POGZ: variants seen among roughly 807,000 people sequenced by gnomAD.
The protein encoded by POGZ is pogo transposable element derived with ZNF domain, also known as pogo transposable element with ZNF domain.
POGZ carries 17 observed loss-of-function variants against 134.6 expected under a neutral mutation model. That is an observed-to-expected ratio of 0.13 (90% CI 0.09 to 0.19). The LOEUF is 0.19. Among genes scored for constraint, POGZ ranks in the 10% least tolerant of loss-of-function variants. POGZ has a pLI of 1.00. For synonymous variants in POGZ, 693 were observed against 657.1 expected (o/e 1.05, Z -0.84); for missense variants, 1,306 against 1,769.7 (o/e 0.74, Z 4.70).
chr1:151,423,502 C>T lies in POGZ; in HGVS notation c.1573G>A (p.Glu525Lys). 6.2e-7 allele frequency: 1 copy of T among 1,613,702 alleles called. No individual in the cohort carries two copies. The highest frequency in any genetic ancestry group is 8.5e-7 in the Non-Finnish European group (1 of 1,179,562). ...TGGCAGATAGTGTGACCATCTACCT[C>T]ACCGTTCTGCTGATCGAGTTCTACG... ...HHVELDQQNG[E>K]VDGHTICQHC... The change falls in exon 10 of 19, where the codon GAG (glutamate) becomes AAG (lysine). Residue 525 changes from glutamate (E) to lysine (K), a missense_variant. Transcript: ENST00000271715.
intron 9 of POGZ, 28 bp from the exon 10 acceptor site, chr1:151,423,579 A>C (rs773167409): frequency 4.0e-5 from 62 of 1,561,906 alleles, no homozygotes; most frequent in Admixed American, 5.8e-5. Flanking sequence ...GAGAAAGTAC[A>C]GAAAACATAA....
At chr1:151,407,085 C>T in intron 16 of POGZ, 62 bp from the exon 17 acceptor site, 8 of 1,384,996 alleles carry the variant, frequency 5.8e-6, no homozygotes, top group African/African-American at 1.4e-5. Context: ...GACCATTAAG[C>T]TTTGAGGCTT....
intron 1 of POGZ, among the ~76,000 whole-genome samples, chr1:151,443,105 G>T (rs1000651624): frequency 6.6e-6 from 1 of 152,218 alleles, no homozygotes; most frequent in Non-Finnish European, 1.5e-5. Context: ...GGTGAGTCAA[G>T]CAAGTGCAGG....
chr1:151,416,455 T>C (rs3118720), intron 10 of POGZ, among the ~76,000 whole-genome samples: 23,788 of 151,760 alleles, frequency 0.16, 2,158 homozygotes, highest in East Asian at 0.34. Flanking sequence ...TGAGCTGTGA[T>C]TGCGTCACTG....
intron 1 of POGZ, among the ~76,000 whole-genome samples, chr1:151,442,951 C>T (rs997544035): frequency 7.3e-5 from 11 of 150,888 alleles, no homozygotes; most frequent in Admixed American, 3.3e-4. Context: ...ATTGCTTGAA[C>T]CCCGGGCAGC....
At chr1:151,441,182 C>G in intron 2 of POGZ, 96 bp from the exon 3 acceptor site, 1 of 990,442 alleles carries the variant, frequency 1.0e-6, no homozygotes. Flanking sequence ...TTGTGGGTCT[C>G]TATAGCCAAA....
chr1:151,435,880 A>G (rs1659488532), intron 3 of POGZ, among the ~76,000 whole-genome samples: 2 of 152,118 alleles, frequency 1.3e-5, no homozygotes, highest in Admixed American at 1.3e-4. Context: ...TAAAATACAC[A>G]ATTCAGTGAT....
intron 7 of POGZ, among the ~76,000 whole-genome samples, chr1:151,425,758 T>C (rs754570943): frequency 3.3e-5 from 5 of 152,232 alleles, no homozygotes; most frequent in African/African-American, 7.2e-5. Flanking sequence ...CCTTTATCAG[T>C]TGATGGACCT....
rs746507581 is a variant in POGZ, at chr1:151,405,727, A to T, written c.3308T>A (p.Leu1103His). The change falls in exon 19 of 19, where the codon CTC becomes CAC. Residue 1103 changes from leucine (L) to histidine (H), a missense_variant. Physicochemically the swap from Leu to His is moderately conservative, Grantham distance 99. Coordinates refer to ENST00000271715, the MANE Select transcript of POGZ (RefSeq NM_015100.4). This position sits in a 1 kb window ranked among gnomAD's most constrained non-coding sequence, Gnocchi z 4.9. The part of the protein sequence containing the change: ...LPKDVAENAG[L>H]FIDFVQRQIH... Reference sequence around the variant, plus strand: ...CTGCCGTTGTACAAAATCAATGAAGAGTCCTGCATTCTCTGCTACATCCTT... The same window carrying T: ...CTGCCGTTGTACAAAATCAATGAAGTGTCCTGCATTCTCTGCTACATCCTT... 8.7e-6 allele frequency: 14 copies of T among 1,614,066 alleles called. No individual in the cohort carries two copies. Among genetic ancestry groups the T allele is most frequent in the Non-Finnish European group, 1.0e-5 (12 of 1,180,026 alleles).
Position 151,403,065 on chromosome 1 carries a change from G to C in POGZ, c.*1737C>G. 4.6e-6 allele frequency: 1 copy of C among 216,280 alleles called. No individual in the cohort carries two copies. The highest frequency in any genetic ancestry group is 7.9e-6 in the Non-Finnish European group (1 of 126,298). The allele number at this position is 216,280 out of a possible 1,614,324, so 13.4% of individuals were successfully genotyped here. The stretch of plus-strand genomic sequence containing the variant: ...AAGTCCATTGTCTGTCAATAAAATG[G>C]CATCAGGCAAAAAGCTGGGGAAGAG... On this transcript the variant is annotated 3_prime_UTR_variant, in exon 19 of 19. Coordinates refer to ENST00000271715, the MANE Select transcript of POGZ (RefSeq NM_015100.4).
chr1:151,414,847 A>G (rs550433891), intron 10 of POGZ, among the ~76,000 whole-genome samples: 1 of 152,216 alleles, frequency 6.6e-6, no homozygotes, highest in Non-Finnish European at 1.5e-5. Context: ...GAACTCAAAT[A>G]TAAGGGGATT....
intron 10 of POGZ, among the ~76,000 whole-genome samples, chr1:151,422,457 T>C (rs931788572): frequency 6.6e-6 from 1 of 152,260 alleles, no homozygotes; most frequent in Non-Finnish European, 1.5e-5. Flanking sequence ...TGTACGCTCA[T>C]AAGCAAATGA....
intron 10 of POGZ, among the ~76,000 whole-genome samples, chr1:151,418,489 T>C (rs576572989): frequency 2.4e-4 from 37 of 152,090 alleles, no homozygotes; most frequent in African/African-American, 8.4e-4. Flanking sequence ...TACAAATATA[T>C]GGTTTGAAAG....
rs575309202 is a variant in POGZ, at chr1:151,408,474, G to A, written c.2169C>T (p.Asp723=). 4.4e-5 allele frequency: 70 copies of A among 1,593,112 alleles called. No individual in the cohort carries two copies. In the East Asian group the frequency reaches 5.4e-4, roughly 12 times the overall value. ...GGGGATAAAGGAAGACAGGCAGAGG[G>A]TCCATTGAGGAGGTCAGCGGTGCTG... ...QEAAPLTSSM[D]PLPVFLYPPV... The change falls in exon 14 of 19, where the codon GAC becomes GAT. Residue 723 remains aspartate (D), a synonymous_variant. Coordinates refer to ENST00000271715, the MANE Select transcript of POGZ (RefSeq NM_015100.4).
At position 151,404,103 on chromosome 1, in the gene POGZ, G is replaced by C. The variant is rs911248477; in HGVS notation, c.*699C>G. The C allele has an allele frequency of 2.0e-6, 2 of 985,352 alleles. No homozygotes were observed. Among genetic ancestry groups the C allele is most frequent in the African/African-American group, 3.5e-5 (2 of 57,226 alleles). 61.0% of individuals were successfully genotyped at this position (985,352 alleles called of 1,614,324 possible). A position where few individuals can be genotyped will look rare whatever the true frequency, so the allele number is the denominator to read the frequency against. On this transcript the variant is annotated 3_prime_UTR_variant, in exon 19 of 19. Transcript: ENST00000271715. ...ATCTATTCATTCTGGATAATTAAAG[G>C]TGGTTTCATGCATTTTTAAAGCCAC...
At chr1:151,412,745 A>G (rs1013925679) in intron 10 of POGZ, among the ~76,000 whole-genome samples, 3 of 152,046 alleles carry the variant, frequency 2.0e-5, no homozygotes, top group Admixed American at 2.0e-4. Flanking sequence ...TTTAGGCACT[A>G]TCTCGGATTC....
In POGZ at chr1:151,404,351, AATG is replaced by A. The variant is rs1321449684; in HGVS notation, c.*448_*450del. ...TCTTCAGAAATGTTCTCACATTAAC[AATG>A]ATTAGATAGCATCATGCCCAAAGAC... On this transcript the variant is annotated 3_prime_UTR_variant, in exon 19 of 19. Transcript: ENST00000271715. 3.0e-6 allele frequency: 3 copies of A among 986,004 alleles called. No individual in the cohort carries two copies. The highest frequency in any genetic ancestry group is 6.1e-5 in the Admixed American group (1 of 16,482). The allele number at this position is 986,004 out of a possible 1,614,324, so 61.1% of individuals were successfully genotyped here.
intron 1 of POGZ, among the ~76,000 whole-genome samples, chr1:151,449,431 G>C (rs1314358763): frequency 1.3e-5 from 2 of 152,026 alleles, no homozygotes; most frequent in African/African-American, 4.8e-5. Context: ...GAGTGCTACA[G>C]AACATCCTAC....
rs201680262 is a variant in POGZ, at chr1:151,412,323, C to T, written c.1752G>A (p.Lys584=). 2 of 1,606,474 alleles carry T rather than the reference C, an allele frequency of 1.2e-6. No individual in the cohort carries two copies. The highest frequency in any genetic ancestry group is 2.2e-5 in the East Asian group (1 of 44,786). The change falls in exon 11 of 19, where the codon AAG becomes AAA. Residue 584 remains lysine, a synonymous_variant. Transcript: ENST00000271715. The part of the protein sequence containing the change: ...LFLQHMKDTH[K]PGEMPYVCQV... Reference sequence around the variant, plus strand: ...GGCAAACATAAGGCATCTCTCCAGGCTTATGAGTATCCTTCATATGCTGGA... The same window carrying T: ...GGCAAACATAAGGCATCTCTCCAGGTTTATGAGTATCCTTCATATGCTGGA...
Sources: gnomAD v4.1 joint callset for allele counts (sites outside exome capture counted in the v4.1 genomes callset) on GRCh38, gnomAD v4.1.1 for gene constraint, Gnocchi (gnomAD v3.1) non-coding constraint, MANE v1.5 for transcripts, NCBI Gene and HGNC (gene_info 2026-07-23, HGNC 2026-07-21) for gene names.